SUSD2: variants seen among roughly 807,000 people sequenced by gnomAD.
SUSD2 encodes sushi domain-containing protein 2.
Under a neutral mutation model 93.8 loss-of-function variants are expected in SUSD2, and 86 were observed. The observed-to-expected ratio is 0.92, with a 90% CI of 0.77 to 1.10. SUSD2 has a LOEUF of 1.10. Among genes scored for constraint, SUSD2 ranks in the 50% least tolerant of loss-of-function variants. SUSD2 has a pLI of 0.00. For missense variants in SUSD2, 1,060 were observed against 1,137.0 expected, an observed-to-expected ratio of 0.93 and a Z score of 0.97; for synonymous variants, 483 against 485.0, an observed-to-expected ratio of 1.00 and a Z score of 0.05.
At position 24,183,813 on chromosome 22, in the gene SUSD2, G is replaced by A. The variant is rs184716167; in HGVS notation, c.439+167G>A. On this transcript the variant is annotated intron_variant, in intron 3 of 14. Coordinates refer to ENST00000358321, the MANE Select transcript of SUSD2 (RefSeq NM_019601.4). The stretch of plus-strand genomic sequence containing the variant: ...TCCTTCAGCTCCTTTCCACTCCCTG[G>A]CATCCAGACCGCGGTCCCAGCCCAG... The A allele has an allele frequency of 1.3e-4, 106 of 808,372 alleles. No homozygotes were observed. The African/African-American group carries it at 1.8e-3, about 14-fold the overall frequency. 50.1% of individuals were successfully genotyped at this position (808,372 alleles called of 1,614,324 possible).
At position 24,187,398 on chromosome 22, in the gene SUSD2, C is replaced by G. The variant is rs775366373; in HGVS notation, c.1839C>G (p.Arg613=). ...ACGACTTCACCCTGCACAGCGGGCG[C>G]GTCCTGCCCCCAGGCACCAGTCCCC... ...PTDDFTLHSG[R]VLPPGTSPQE... Residue 613 remains arginine, a synonymous_variant, in exon 11 of 15, where the codon CGC becomes CGG. Coordinates refer to ENST00000358321, the MANE Select transcript of SUSD2 (RefSeq NM_019601.4). The G allele has an allele frequency of 5.3e-5, 85 of 1,613,844 alleles. No homozygotes were observed. In the East Asian group the frequency reaches 1.8e-3, roughly 35 times the overall value.
intron 10 of SUSD2, 84 bp from the exon 11 acceptor site, chr22:24,187,118 G>T: frequency 1.3e-6 from 2 of 1,537,558 alleles, no homozygotes; most frequent in East Asian, 4.5e-5. Context: ...ACAGCCCCTG[G>T]GTGCCGACCA....
intron 12 of SUSD2, 37 bp from the exon 13 acceptor site, chr22:24,187,922 G>C (rs1345093994): frequency 6.2e-7 from 1 of 1,609,786 alleles, no homozygotes; most frequent in South Asian, 1.1e-5. Flanking sequence ...ATGCATGGCA[G>C]CTCAGGCCTG....
At chr22:24,182,363 G>C (rs764039164) in intron 1 of SUSD2, among the ~76,000 whole-genome samples, 5 of 152,164 alleles carry the variant, frequency 3.3e-5, no homozygotes, top group Non-Finnish European at 7.3e-5. Context: ...ACAGCCCCTT[G>C]TGGTGTGCAC....
chr22:24,186,852 A>G, intron 10 of SUSD2: 1 of 422,392 alleles, frequency 2.4e-6, no homozygotes, highest in Non-Finnish European at 4.4e-6. Context: ...CCTGGTTGGG[A>G]TGGGTGAGGA....
At chr22:24,187,018 C>T in intron 10 of SUSD2, 184 bp from the exon 11 acceptor site, 1 of 712,044 alleles carries the variant, frequency 1.4e-6, no homozygotes, top group Non-Finnish European at 2.3e-6. Context: ...CTGGGAGTTC[C>T]ACCGCAAGCA....
chr22:24,181,806 G>A (rs1262060280), intron 1 of SUSD2, among the ~76,000 whole-genome samples: 1 of 152,224 alleles, frequency 6.6e-6, no homozygotes, highest in East Asian at 1.9e-4. Flanking sequence ...AAACCTGCTG[G>A]TAGCTAGGAG....
At chr22:24,184,108 T>A (rs2047344369) in intron 3 of SUSD2, 28 bp from the exon 4 acceptor site, 1 of 1,610,036 alleles carries the variant, frequency 6.2e-7, no homozygotes, top group African/African-American at 1.3e-5. Flanking sequence ...GCCCAGGCCC[T>A]CACTCACCCC....
At position 24,187,830 on chromosome 22, in the gene SUSD2, G is replaced by C; in HGVS notation, c.2151G>C (p.Gln717His). 1.9e-6 allele frequency: 3 copies of C among 1,611,944 alleles called. No individual in the cohort carries two copies. The highest frequency in any genetic ancestry group is 2.5e-6 in the Non-Finnish European group (3 of 1,179,026). Residue 717 changes from glutamine (Q) to histidine (H), a missense_variant, in exon 12 of 15, where the codon CAG (glutamine) becomes CAC (histidine). By Grantham distance (24) the Gln-to-His change is conservative (BLOSUM62 0). Transcript: ENST00000358321. ...ACCAGCTGCACCAGCGTCGCATGCA[G>C]AGCCTGCAGCCAGGTGAGGGCGGGC... ...VAHQLHQRRM[Q>H]SLQPVVSCGW...
rs757774835 is a variant in SUSD2, at chr22:24,188,218, T to G, written c.2342-7T>G. On this transcript the variant is annotated splice_polypyrimidine_tract_variant and splice_region_variant and intron_variant, in intron 13 of 14. Transcript: ENST00000358321. This position sits in a 1 kb window ranked among gnomAD's most constrained non-coding sequence, Gnocchi z 4.7. ...AGCCCCCTCACTGACACTCGCTCCC[T>G]CACCAGGACGCAGCTACGCGGTGCT... 1 of 1,591,846 alleles carries G rather than the reference T, an allele frequency of 6.3e-7. No homozygotes were observed. Among genetic ancestry groups the G allele is most frequent in the Non-Finnish European group, 8.6e-7 (1 of 1,166,138 alleles).
In SUSD2 at chr22:24,186,173, TA is replaced by T; in HGVS notation, c.1483+15del. 1 of 1,608,396 alleles carries T rather than the reference TA, an allele frequency of 6.2e-7. No homozygotes were observed. The highest frequency in any genetic ancestry group is 1.1e-5 in the South Asian group (1 of 90,580). On this transcript the variant is annotated intron_variant, in intron 9 of 14. Transcript: ENST00000358321. Reference sequence around the variant, plus strand: ...CGATGTCCAACGGTGAGGCCAGGGCTAGGGGCTGCTCTGGTTGGCATGGGGT... The same window carrying T: ...CGATGTCCAACGGTGAGGCCAGGGCTGGGGCTGCTCTGGTTGGCATGGGGT...
Position 24,184,843 on chromosome 22 carries a change from TCTTTCA to T in SUSD2, c.693_698del (p.Phe232_Thr233del), listed in dbSNP as rs1352980579. 3.7e-6 allele frequency: 6 copies of T among 1,613,856 alleles called. No homozygotes were observed. Among genetic ancestry groups the T allele is most frequent in the African/African-American group, 1.3e-5 (1 of 74,892 alleles). On this transcript the variant is annotated inframe_deletion, in exon 5 of 15. Transcript: ENST00000358321. The stretch of plus-strand genomic sequence containing the variant: ...GGCCACACACATCCCCAACTCCGGC[TCTTTCA>T]CTTTCACCCCAAAACCTGCTCCTCC...
Position 24,187,256 on chromosome 22 carries a change from GGGCC to G in SUSD2, c.1702_1705del (p.Gly568TrpfsTer10). Reference sequence around the variant, plus strand: ...AGGGTCTCCATCATGCTGGCATCAGGGGCCGGCCTGGAGGTCAGCGTGCAGGGCC... The same window carrying G: ...AGGGTCTCCATCATGCTGGCATCAGGGGCCTGGAGGTCAGCGTGCAGGGCC... On this transcript the variant is annotated frameshift_variant, in exon 11 of 15. Coordinates refer to ENST00000358321, the MANE Select transcript of SUSD2 (RefSeq NM_019601.4). LOFTEE classifies it high-confidence loss of function. 1 of 1,613,956 alleles carries G rather than the reference GGGCC, an allele frequency of 6.2e-7. No individual in the cohort carries two copies. Among genetic ancestry groups the G allele is most frequent in the East Asian group, 2.2e-5 (1 of 44,868 alleles).
At position 24,188,230 on chromosome 22, in the gene SUSD2, A is replaced by G; in HGVS notation, c.2347A>G (p.Ser783Gly). ...GACACTCGCTCCCTCACCAGGACGC[A>G]GCTACGCGGTGCTGTTGGGCATCAT... is the stretch of plus-strand genomic sequence containing the variant. Reference protein sequence around the residue: ...SPTPKCQPGRSYAVLLGIIFG... With the variant: ...SPTPKCQPGRGYAVLLGIIFG... The change falls in exon 14 of 15, where the codon AGC becomes GGC. Residue 783 changes from serine (S) to glycine (G), a missense_variant. This residue lies in a region of SUSD2 where 973 missense variants were observed against 1,005.3 expected (regional missense o/e 0.97). Transcript: ENST00000358321. This position sits in a 1 kb window ranked among gnomAD's most constrained non-coding sequence, Gnocchi z 4.7. 4 of 1,597,122 alleles carry G rather than the reference A, an allele frequency of 2.5e-6. No individual in the cohort carries two copies. Among genetic ancestry groups the G allele is most frequent in the Non-Finnish European group, 3.4e-6 (4 of 1,169,634 alleles).
At position 24,186,252 on chromosome 22, in the gene SUSD2, C is replaced by T. The variant is rs201893860; in HGVS notation, c.1484-5C>T. 1.6e-4 allele frequency: 263 copies of T among 1,612,944 alleles called. No individual in the cohort carries two copies. The African/African-American group carries it at 2.4e-3, about 15-fold the overall frequency. ...GTGGCTCCCGTTCTGCTCCCACCAC[C>T]GCAGGCACGGAGACCCGTGGCACTG... is the stretch of plus-strand genomic sequence containing the variant. On this transcript the variant is annotated splice_region_variant and splice_polypyrimidine_tract_variant and intron_variant, in intron 9 of 14. Coordinates refer to ENST00000358321, the MANE Select transcript of SUSD2 (RefSeq NM_019601.4).
At position 24,187,253 on chromosome 22, in the gene SUSD2, CAG is replaced by C. The variant is rs1569341002; in HGVS notation, c.1695_1696del (p.Ala567ArgfsTer19). On this transcript the variant is annotated frameshift_variant, in exon 11 of 15. Transcript: ENST00000358321. LOFTEE classifies it high-confidence loss of function. ...GACAGGGTCTCCATCATGCTGGCAT[CAG>C]GGGCCGGCCTGGAGGTCAGCGTGCA... 1 of 1,613,982 alleles carries C rather than the reference CAG, an allele frequency of 6.2e-7. No individual in the cohort carries two copies. Among genetic ancestry groups the C allele is most frequent in the Non-Finnish European group, 8.5e-7 (1 of 1,180,002 alleles).
chr22:24,187,555 G>A lies in SUSD2; in HGVS notation c.1892-16G>A, dbSNP rs183895743. 5.0e-6 allele frequency: 8 copies of A among 1,605,224 alleles called. No homozygotes were observed. In the East Asian group the frequency reaches 1.8e-4, roughly 36 times the overall value. On this transcript the variant is annotated splice_polypyrimidine_tract_variant and intron_variant, in intron 11 of 14. Coordinates refer to ENST00000358321, the MANE Select transcript of SUSD2 (RefSeq NM_019601.4). ...GGGAGCCATGCCCAGCCAGGCCCCG[G>A]TCATGTATCTTCCAGGGACCGTGCA... is the stretch of plus-strand genomic sequence containing the variant.
rs949198678 is a variant in SUSD2 at position 24,184,880 on chromosome 22, A to G, written c.722A>G (p.Tyr241Cys). 13 of 1,613,888 alleles carry G rather than the reference A, an allele frequency of 8.1e-6. No individual in the cohort carries two copies. Among genetic ancestry groups the G allele is most frequent in the Non-Finnish European group, 1.7e-6 (2 of 1,179,990 alleles). Residue 241 changes from tyrosine to cysteine, a missense_variant, in exon 5 of 15, where the codon TAC (tyrosine) becomes TGC (cysteine). Tyr to Cys is a radical substitution (Grantham distance 194). Coordinates refer to ENST00000358321, the MANE Select transcript of SUSD2 (RefSeq NM_019601.4). ...ACCCCAAAACCTGCTCCTCCCAGCTACCAGAGATGGCGAGTGGGTGCACTT... is the reference window on the plus strand; with the variant it reads ...ACCCCAAAACCTGCTCCTCCCAGCTGCCAGAGATGGCGAGTGGGTGCACTT... Reference protein sequence around the residue: ...TFTPKPAPPSYQRWRVGALRI... With the variant: ...TFTPKPAPPSCQRWRVGALRI...
At position 24,187,808 on chromosome 22, in the gene SUSD2, A is replaced by C. The variant is rs746240490; in HGVS notation, c.2129A>C (p.Gln710Pro). The C allele has an allele frequency of 1.4e-5, 23 of 1,612,714 alleles. No homozygotes were observed. Among genetic ancestry groups the C allele is most frequent in the Non-Finnish European group, 1.9e-5 (22 of 1,179,646 alleles). ...GGCACTGCCACTCGGGTGGCCCACC[A>C]GCTGCACCAGCGTCGCATGCAGAGC... Reference protein sequence around the residue: ...STGTATRVAHQLHQRRMQSLQ... With the variant: ...STGTATRVAHPLHQRRMQSLQ... The change falls in exon 12 of 15, where the codon CAG (glutamine) becomes CCG (proline). Residue 710 changes from glutamine (Q) to proline (P), a missense_variant. This residue lies in a region of SUSD2 where 973 missense variants were observed against 1,005.3 expected (regional missense o/e 0.97). Coordinates refer to ENST00000358321, the MANE Select transcript of SUSD2 (RefSeq NM_019601.4).
Sources: allele counts gnomAD v4.1 joint callset (sites outside exome capture counted in the v4.1 genomes callset), GRCh38; gene constraint gnomAD v4.1.1; regional missense constraint gnomAD v4.1.1; non-coding constraint Gnocchi (gnomAD v3.1); transcripts MANE v1.5; gene names NCBI Gene and HGNC (gene_info 2026-07-23, HGNC 2026-07-21).